Variants in CSMD1 observed in about 807,000 individuals in gnomAD.
The protein encoded by CSMD1 is CUB and sushi domain-containing protein 1.
CSMD1 carries 213 observed loss-of-function variants against 417.5 expected under a neutral mutation model. The ratio of observed to expected loss-of-function variants is 0.51; its 90% confidence interval spans 0.46 to 0.57. The LOEUF is 0.57. CSMD1 is among the 20% of genes least tolerant of loss of function. CSMD1 has a pLI of 0.00. For missense variants in CSMD1, 6,923 were observed against 4,529.7 expected (o/e 1.53, Z -15.17); for synonymous variants, 2,862 against 1,736.8 (o/e 1.65, Z -16.11).
chr8:4,012,026 G>C, intron 4 of CSMD1, among the ~76,000 whole-genome samples: 1 of 97,146 alleles, frequency 1.0e-5, no homozygotes, highest in Non-Finnish European at 2.8e-5. Flanking sequence ...TAATGACAAG[G>C]AAAAAAAAAG....
intron 26 of CSMD1, among the ~76,000 whole-genome samples, chr8:3,270,617 T>C (rs1801774862): frequency 2.0e-5 from 3 of 152,194 alleles, no homozygotes; most frequent in African/African-American, 7.2e-5. Flanking sequence ...TTTTATTATA[T>C]AGGTATAATG....
At chr8:3,676,545 G>T (rs1270000857) in intron 7 of CSMD1, among the ~76,000 whole-genome samples, 1 of 152,098 alleles carries the variant, frequency 6.6e-6, no homozygotes, top group Non-Finnish European at 1.5e-5. Flanking sequence ...TATCCGAATG[G>T]TACACATGTT....
intron 2 of CSMD1, among the ~76,000 whole-genome samples, chr8:4,505,712 G>A (rs770715045): frequency 1.3e-5 from 2 of 152,046 alleles, no homozygotes; most frequent in African/African-American, 2.4e-5. Context: ...TTCTTCATCT[G>A]CCAATGAAGC....
At chr8:4,983,447 T>C (rs1235327862) in intron 1 of CSMD1, among the ~76,000 whole-genome samples, 1 of 152,250 alleles carries the variant, frequency 6.6e-6, no homozygotes, top group Non-Finnish European at 1.5e-5. Flanking sequence ...AGAGTGCCCT[T>C]CAGTTCTCCA....
At chr8:3,888,867 C>G (rs983182186) in intron 5 of CSMD1, among the ~76,000 whole-genome samples, 1 of 152,056 alleles carries the variant, frequency 6.6e-6, no homozygotes, top group South Asian at 2.1e-4. Flanking sequence ...TATTCTATTT[C>G]TGTGACTTCA....
rs569395216 is a variant in CSMD1, at chr8:3,413,442, G to A, written c.1562-3837C>T. Among the ~76,000 whole-genome samples, 150 of 152,316 alleles carry A rather than the reference G, an allele frequency of 9.8e-4. 3 individuals are homozygous for A. The highest frequency in any genetic ancestry group is 3.9e-3 in the South Asian group (19 of 4,826). The stretch of plus-strand genomic sequence containing the variant: ...TCCTGATGCATGGCTACGGCTGGCC[G>A]TGGACAGAACCTGTGTTGGACAAGT... On this transcript the variant is annotated intron_variant, in intron 12 of 69. Transcript: ENST00000635120.
intron 3 of CSMD1, among the ~76,000 whole-genome samples, chr8:4,046,813 G>C (rs1333044897): frequency 1.3e-5 from 2 of 152,018 alleles, no homozygotes; most frequent in African/African-American, 2.4e-5. Context: ...AACAATTATT[G>C]AACTCTAAGC....
chr8:3,019,130 C>G (rs967921033), intron 51 of CSMD1, among the ~76,000 whole-genome samples: 5 of 152,188 alleles, frequency 3.3e-5, no homozygotes, highest in African/African-American at 1.2e-4. Flanking sequence ...GTTGGCCAGA[C>G]TGATCTCAAA....
Position 4,141,133 on chromosome 8 carries a change from A to G in CSMD1, c.416-109034T>C, listed in dbSNP as rs1040831353. On this transcript the variant is annotated intron_variant, in intron 3 of 69. Coordinates refer to ENST00000635120, the MANE Select transcript of CSMD1 (RefSeq NM_033225.6). The stretch of plus-strand genomic sequence containing the variant: ...GTCTCACTTACCTATGTTTCCTCCA[A>G]GAGAGCTCCAATAAGTAACAGAACG... Among the ~76,000 whole-genome samples the G allele has an allele frequency of 5.3e-5, 8 of 151,216 alleles. 1 individual carries two copies. Among genetic ancestry groups the G allele is most frequent in the African/African-American group, 2.0e-4 (8 of 40,508 alleles).
chr8:4,034,238 CAG>C (rs80166455), intron 3 of CSMD1, among the ~76,000 whole-genome samples: 22,553 of 151,906 alleles, frequency 0.15, 2,367 homozygotes, highest in East Asian at 0.39. Context: ...TAAGTACAAA[CAG>C]AACTATATAG....
chr8:3,874,861 C>A (rs895453152), intron 5 of CSMD1, among the ~76,000 whole-genome samples: 4 of 152,084 alleles, frequency 2.6e-5, no homozygotes, highest in Non-Finnish European at 4.4e-5. Context: ...ATTAAGAAAA[C>A]GGCAAAGGGT....
intron 2 of CSMD1, among the ~76,000 whole-genome samples, chr8:4,608,345 C>G (rs1383978381): frequency 6.6e-6 from 1 of 152,158 alleles, no homozygotes; most frequent in East Asian, 1.9e-4. Flanking sequence ...ACCCAGGTAG[C>G]CACGGTGGTG....
intron 4 of CSMD1, among the ~76,000 whole-genome samples, chr8:4,024,395 T>C (rs1394960637): frequency 6.6e-6 from 1 of 152,220 alleles, no homozygotes; most frequent in Non-Finnish European, 1.5e-5. Flanking sequence ...ATGGAAGTTT[T>C]ACTTTCATGG....
At chr8:4,116,171 T>C (rs1020449436) in intron 3 of CSMD1, among the ~76,000 whole-genome samples, 5 of 151,964 alleles carry the variant, frequency 3.3e-5, no homozygotes, top group Non-Finnish European at 5.9e-5. Context: ...TTTTTGTATT[T>C]TTAGTACAGA....
chr8:4,332,590 C>G (rs865893912), intron 3 of CSMD1, among the ~76,000 whole-genome samples: 1 of 93,902 alleles, frequency 1.1e-5, no homozygotes, highest in Non-Finnish European at 2.3e-5. Context: ...CACACACACA[C>G]ACACACACAC....
At chr8:3,797,520 T>C (rs966015798) in intron 5 of CSMD1, among the ~76,000 whole-genome samples, 1 of 152,000 alleles carries the variant, frequency 6.6e-6, no homozygotes, top group Non-Finnish European at 1.5e-5. Context: ...AATGGAATTA[T>C]ATATTAGGCA....
intron 5 of CSMD1, among the ~76,000 whole-genome samples, chr8:3,837,969 T>A (rs1001717040): frequency 1.3e-5 from 2 of 152,106 alleles, no homozygotes; most frequent in Non-Finnish European, 2.9e-5. Context: ...TTTTCATGAG[T>A]TGAAATCTAA....
At chr8:4,375,964 G>C (rs1376237014) in intron 3 of CSMD1, among the ~76,000 whole-genome samples, 2 of 152,130 alleles carry the variant, frequency 1.3e-5, no homozygotes, top group African/African-American at 2.4e-5. Flanking sequence ...TCCAGGCCTT[G>C]CCAATGCTGC....
chr8:3,435,286 G>A (rs80040503), intron 12 of CSMD1, among the ~76,000 whole-genome samples: 7,825 of 152,202 alleles, frequency 0.051, 256 homozygotes, highest in East Asian at 0.16. Flanking sequence ...ATATTTCACT[G>A]CACATATTTC....
Sources: allele counts gnomAD v4.1 joint callset (sites outside exome capture counted in the v4.1 genomes callset), GRCh38; gene constraint gnomAD v4.1.1; transcripts MANE v1.5; gene names NCBI Gene and HGNC (gene_info 2026-07-23, HGNC 2026-07-21).